PNPLA7: variants seen among roughly 807,000 people sequenced by gnomAD.
PNPLA7 encodes the protein patatin-like phospholipase domain-containing protein 7.
PNPLA7 carries 153 observed loss-of-function variants against 161.7 expected under a neutral mutation model. The ratio of observed to expected loss-of-function variants is 0.95; its 90% CI spans 0.83 to 1.08. PNPLA7 has a LOEUF of 1.08. Among genes scored for constraint, PNPLA7 ranks in the 50% least tolerant of loss-of-function variants. PNPLA7 has a pLI of 0.00. For synonymous variants in PNPLA7, 809 were observed against 782.1 expected (o/e 1.03, Z -0.57); for missense variants, 1,739 against 1,856.6 (o/e 0.94, Z 1.16).
intron 11 of PNPLA7, among the ~76,000 whole-genome samples, chr9:137,518,979 C>T (rs1464173599): frequency 7.0e-6 from 1 of 142,074 alleles, no homozygotes; most frequent in Admixed American, 7.0e-5. Flanking sequence ...CCTATCCACT[C>T]CATCCCCCAC....
chr9:137,494,953 C>T (rs943255405), intron 19 of PNPLA7, 80 bp downstream of exon 19: 34 of 1,318,206 alleles, frequency 2.6e-5, no homozygotes, highest in South Asian at 7.7e-5. Flanking sequence ...TGCCCTCACC[C>T]GCTCCGCCCT....
intron 11 of PNPLA7, among the ~76,000 whole-genome samples, chr9:137,518,162 C>G (rs1834735406): frequency 2.3e-5 from 3 of 131,062 alleles, no homozygotes; most frequent in South Asian, 2.4e-4. Flanking sequence ...CTCACGCACT[C>G]ACTCCACTCT....
chr9:137,468,010 T>G lies in PNPLA7; in HGVS notation c.2883-537A>C, dbSNP rs912354453. Reference sequence around the variant, plus strand: ...AGGTGTCCTGAGAGTTGACCGGCATTGGCCTCTTCTACCCGGAAACACGGC... The same window carrying G: ...AGGTGTCCTGAGAGTTGACCGGCATGGGCCTCTTCTACCCGGAAACACGGC... On this transcript the variant is annotated intron_variant, in intron 25 of 34. Coordinates refer to ENST00000406427, the MANE Select transcript of PNPLA7 (RefSeq NM_001098537.3). This position sits in a 1 kb window ranked among gnomAD's most constrained non-coding sequence, Gnocchi z 4.0. Among the ~76,000 whole-genome samples the G allele has an allele frequency of 2.0e-5, 3 of 151,988 alleles. No homozygotes were observed. The highest frequency in any genetic ancestry group is 7.3e-5 in the African/African-American group (3 of 41,364).
intron 6 of PNPLA7, among the ~76,000 whole-genome samples, 185 bp from the exon 7 acceptor site, chr9:137,542,986 G>A (rs759496591): frequency 1.5e-4 from 23 of 152,156 alleles, no homozygotes; most frequent in African/African-American, 4.6e-4. Context: ...TGAAATTCCC[G>A]TGAGCCTGTT....
At chr9:137,483,072 A>G (rs940490093) in intron 21 of PNPLA7, among the ~76,000 whole-genome samples, 8 of 152,082 alleles carry the variant, frequency 5.3e-5, no homozygotes, top group African/African-American at 1.7e-4. Context: ...GGGTTTCAAC[A>G]TATTGGCTAG....
At position 137,543,856 on chromosome 9, in the gene PNPLA7, C is replaced by T. The variant is rs1836347075; in HGVS notation, c.274-41G>A. ...AGAGACCAGCCACTGACCCTGCAAG[C>T]CGCAAGGTCCAAGCTCTTTGCCATG... On this transcript the variant is annotated intron_variant, in intron 4 of 34. Coordinates refer to ENST00000406427, the MANE Select transcript of PNPLA7 (RefSeq NM_001098537.3). This position sits in a 1 kb window ranked among gnomAD's most constrained non-coding sequence, Gnocchi z 6.9. 3 of 1,537,126 alleles carry T rather than the reference C, an allele frequency of 2.0e-6. No individual in the cohort carries two copies. Among genetic ancestry groups the T allele is most frequent in the Non-Finnish European group, 2.7e-6 (3 of 1,110,742 alleles).
At chr9:137,512,586 A>G (rs1173615350) in intron 12 of PNPLA7, among the ~76,000 whole-genome samples, 2 of 152,166 alleles carry the variant, frequency 1.3e-5, no homozygotes, top group Non-Finnish European at 2.9e-5. Context: ...GAGTCATCAA[A>G]CCGTCCACCT....
Position 137,463,084 on chromosome 9 carries a change from G to C in PNPLA7, c.3344-251C>G, listed in dbSNP as rs995288236. The C allele has an allele frequency of 8.4e-5, 51 of 604,454 alleles. No homozygotes were observed. The African/African-American group carries it at 9.1e-4, about 11-fold the overall frequency. 37.4% of individuals were successfully genotyped at this position (604,454 alleles called of 1,614,324 possible). ...GCCTGGCCTGGCCCCCAGCAAGCTC[G>C]ACACCTGCAGGCTGTTAGTTTCTGA... On this transcript the variant is annotated intron_variant, in intron 29 of 34. Coordinates refer to ENST00000406427, the MANE Select transcript of PNPLA7 (RefSeq NM_001098537.3).
chr9:137,463,073 C>A (rs982685426), intron 29 of PNPLA7: 4 of 624,116 alleles, frequency 6.4e-6, no homozygotes, highest in Non-Finnish European at 1.1e-5. Context: ...GGCCTGGCCC[C>A]CAGCAAGCTC....
At chr9:137,544,612 CTT>C (rs1421182811) in intron 4 of PNPLA7, among the ~76,000 whole-genome samples, 1 of 152,196 alleles carries the variant, frequency 6.6e-6, no homozygotes, top group Non-Finnish European at 1.5e-5. Flanking sequence ...TCCCTCCCCT[CTT>C]GAGTTTCTCA....
chr9:137,498,078 G>A lies in PNPLA7; in HGVS notation c.1889+36C>T, dbSNP rs1173885860. ...TCCCCAGCTCCTGCATGCCAGGGCA[G>A]CATGGATGCGGAGTGTGTGGCACCC... On this transcript the variant is annotated intron_variant, in intron 17 of 34. Transcript: ENST00000406427. 3.1e-6 allele frequency: 5 copies of A among 1,597,910 alleles called. No individual in the cohort carries two copies. In the African/African-American group the frequency reaches 6.7e-5, roughly 21 times the overall value.
In PNPLA7 at chr9:137,500,532, G is replaced by A. The variant is rs1833333765; in HGVS notation, c.1757+159C>T. Among the ~76,000 whole-genome samples the A allele has an allele frequency of 6.6e-6, 1 of 152,070 alleles. No individual in the cohort carries two copies. Among genetic ancestry groups the A allele is most frequent in the Admixed American group, 6.6e-5 (1 of 15,264 alleles). ...CGGCTGACTGAGCGCTGGAGCAGGGGGCACAGACCTGGGCCCACACAGGTG... is the reference window on the plus strand; with the variant it reads ...CGGCTGACTGAGCGCTGGAGCAGGGAGCACAGACCTGGGCCCACACAGGTG... On this transcript the variant is annotated intron_variant, in intron 16 of 34. Coordinates refer to ENST00000406427, the MANE Select transcript of PNPLA7 (RefSeq NM_001098537.3). The surrounding 1 kb of genome is among the most constrained non-coding windows in gnomAD (Gnocchi z 5.5).
In PNPLA7 at chr9:137,492,999, G is replaced by A. The variant is rs747490736; in HGVS notation, c.2197+14C>T. On this transcript the variant is annotated intron_variant, in intron 20 of 34. Transcript: ENST00000406427. The stretch of plus-strand genomic sequence containing the variant: ...GGGCTCCCAGGAGGCTCTGGGTTGG[G>A]AGAGGTGACCCACCTGTCACAGGTC... 1 of 1,612,284 alleles carries A rather than the reference G, an allele frequency of 6.2e-7. No individual in the cohort carries two copies. Among genetic ancestry groups the A allele is most frequent in the African/African-American group, 1.3e-5 (1 of 74,898 alleles).
chr9:137,508,869 AATTCC>A (rs1834054570), intron 12 of PNPLA7: 1 of 152,256 alleles, frequency 6.6e-6, no homozygotes, highest in Non-Finnish European at 1.5e-5. Flanking sequence ...ATATATAAAG[AATTCC>A]TATTAATAAT....
At chr9:137,519,696 T>C (rs1332416377) in intron 11 of PNPLA7, among the ~76,000 whole-genome samples, 4 of 146,584 alleles carry the variant, frequency 2.7e-5, no homozygotes. Context: ...TGAGGGGACC[T>C]GAGGCACGTG....
chr9:137,542,563 A>C, intron 7 of PNPLA7, 79 bp downstream of exon 7: 1 of 1,386,588 alleles, frequency 7.2e-7, no homozygotes, highest in Non-Finnish European at 9.5e-7. Context: ...TTCAATGAGA[A>C]ACGTTTTACA....
chr9:137,460,178 G>A lies in PNPLA7; in HGVS notation c.*215C>T, dbSNP rs1286360342. ...CTTCAGGGGCCTCACAGAGCTTCAG[G>A]GGCCTCACAGGACTGCAGGGGGGCT... On this transcript the variant is annotated 3_prime_UTR_variant, in exon 35 of 35. Coordinates refer to ENST00000406427, the MANE Select transcript of PNPLA7 (RefSeq NM_001098537.3). 1 of 502,118 alleles carries A rather than the reference G, an allele frequency of 2.0e-6. No homozygotes were observed. Among genetic ancestry groups the A allele is most frequent in the Non-Finnish European group, 3.6e-6 (1 of 277,630 alleles). 31.1% of individuals were successfully genotyped at this position (502,118 alleles called of 1,614,324 possible). A position where few individuals can be genotyped will look rare whatever the true frequency, so the allele number is the denominator to read the frequency against.
intron 20 of PNPLA7, among the ~76,000 whole-genome samples, chr9:137,487,489 C>A (rs1402249498): frequency 6.6e-6 from 1 of 152,272 alleles, no homozygotes; most frequent in African/African-American, 2.4e-5. Context: ...GCATGTGCAG[C>A]TGTGTCTGTG....
In PNPLA7 at chr9:137,522,929, G is replaced by C. The variant is rs76456020; in HGVS notation, c.748-72C>G. On this transcript the variant is annotated intron_variant, in intron 8 of 34. Coordinates refer to ENST00000406427, the MANE Select transcript of PNPLA7 (RefSeq NM_001098537.3). ...CCCCCAGGGAATGCCAAGGCTCCTG[G>C]AAGCCCTGGAGGAGGCCCCGCCTGC... is the stretch of plus-strand genomic sequence containing the variant. 6,155 of 1,590,230 alleles carry C rather than the reference G, an allele frequency of 3.9e-3. 17 individuals are homozygous for C. The highest frequency in any genetic ancestry group is 4.4e-3 in the Non-Finnish European group (5,154 of 1,166,580).
Sources: allele counts gnomAD v4.1 joint callset (sites outside exome capture counted in the v4.1 genomes callset), GRCh38; gene constraint gnomAD v4.1.1; non-coding constraint Gnocchi (gnomAD v3.1); transcripts MANE v1.5; gene names NCBI Gene and HGNC (gene_info 2026-07-23, HGNC 2026-07-21).